The following DPYD variants were observed in gnomAD, a reference collection of about 807,000 sequenced individuals.
DPYD encodes dihydropyrimidine dehydrogenase [NADP(+)].
DPYD carries 109 observed loss-of-function variants against 116.2 expected under a neutral mutation model. The observed-to-expected ratio is 0.94, with a 90% CI of 0.80 to 1.10. The LOEUF (loss-of-function observed/expected upper bound fraction) is 1.10, where lower values mean the gene tolerates loss of function less well. Ranked by LOEUF, DPYD falls within the 50% of genes least tolerant of loss-of-function variation. The pLI is 0.00. For missense variants in DPYD, 1,302 were observed against 1,254.5 expected (o/e 1.04, Z -0.57); for synonymous variants, 440 against 432.0 (o/e 1.02, Z -0.23).
chr1:97,604,068 T>C (rs780145662), intron 8 of DPYD, among the ~76,000 whole-genome samples: 4 of 152,080 alleles, frequency 2.6e-5, no homozygotes, highest in Non-Finnish European at 5.9e-5. Context: ...GGCTTTAAAA[T>C]AAAGAACATG....
chr1:97,421,717 C>A (rs529487809), intron 14 of DPYD, among the ~76,000 whole-genome samples: 1 of 152,140 alleles, frequency 6.6e-6, no homozygotes, highest in African/African-American at 2.4e-5. Flanking sequence ...GATATTACTG[C>A]AACTCCTCAG....
intron 8 of DPYD, among the ~76,000 whole-genome samples, chr1:97,676,433 G>A (rs1187190267): frequency 6.6e-6 from 1 of 152,132 alleles, no homozygotes; most frequent in African/African-American, 2.4e-5. Flanking sequence ...TGTGAACATG[G>A]TAACTACCCA....
chr1:97,325,111 TG>T (rs916664174), intron 16 of DPYD, among the ~76,000 whole-genome samples: 1 of 152,056 alleles, frequency 6.6e-6, no homozygotes, highest in Non-Finnish European at 1.5e-5. Flanking sequence ...CTAAAACAGA[TG>T]GGTATTTACT....
chr1:97,713,299 A>C (rs1308507330), intron 5 of DPYD, among the ~76,000 whole-genome samples: 2 of 152,126 alleles, frequency 1.3e-5, no homozygotes, highest in African/African-American at 4.8e-5. Flanking sequence ...AAATAGTATA[A>C]ATTTACATTT....
Position 97,609,984 on chromosome 1 carries a change from T to C in DPYD, c.851-14818A>G, listed in dbSNP as rs141488299. Among the ~76,000 whole-genome samples the C allele has an allele frequency of 6.0e-3, 909 of 152,106 alleles. 21 individuals are homozygous for C. The highest frequency in any genetic ancestry group is 3.5e-3 in the Non-Finnish European group (241 of 67,942). On this transcript the variant is annotated intron_variant, in intron 8 of 22. Coordinates refer to ENST00000370192, the MANE Select transcript of DPYD (RefSeq NM_000110.4). Reference sequence around the variant, plus strand: ...TACTCATTTGTTTAAAGCACAGATCTACAATGACAAAAATCAATTCATTTT... The same window carrying C: ...TACTCATTTGTTTAAAGCACAGATCCACAATGACAAAAATCAATTCATTTT...
chr1:97,292,060 A>T (rs960499810), intron 18 of DPYD, among the ~76,000 whole-genome samples: 9 of 152,104 alleles, frequency 5.9e-5, no homozygotes, highest in African/African-American at 2.2e-4. Context: ...CTAAAGTTGC[A>T]TGTATCAGAA....
intron 11 of DPYD, among the ~76,000 whole-genome samples, chr1:97,562,837 G>GC (rs999772533): frequency 6.6e-5 from 10 of 151,926 alleles, no homozygotes; most frequent in African/African-American, 2.2e-4. Context: ...TCCTGCCTCA[G>GC]CCCCCCCGAG....
intron 12 of DPYD, among the ~76,000 whole-genome samples, chr1:97,520,013 T>G (rs893791727): frequency 2.6e-5 from 4 of 152,202 alleles, no homozygotes; most frequent in Non-Finnish European, 5.9e-5. Flanking sequence ...TAAAATGCAT[T>G]AACTTCCCCA....
intron 13 of DPYD, among the ~76,000 whole-genome samples, chr1:97,486,646 T>C (rs2101894046): frequency 6.6e-6 from 1 of 152,266 alleles, no homozygotes; most frequent in South Asian, 2.1e-4. Context: ...TATATCACTG[T>C]TAGTGCTATC....
intron 13 of DPYD, among the ~76,000 whole-genome samples, chr1:97,488,311 A>G (rs1678767026): frequency 6.6e-6 from 1 of 152,162 alleles, no homozygotes. Flanking sequence ...GTGTGACTAC[A>G]AAAGGTTATG....
At chr1:97,671,254 TCTA>T (rs1383568940) in intron 8 of DPYD, among the ~76,000 whole-genome samples, 1 of 152,118 alleles carries the variant, frequency 6.6e-6, no homozygotes, top group East Asian at 1.9e-4. Context: ...TGTAAAGACT[TCTA>T]CGAGTAGAAA....
chr1:97,341,605 A>T (rs1377017691), intron 16 of DPYD, among the ~76,000 whole-genome samples: 1 of 152,192 alleles, frequency 6.6e-6, no homozygotes, highest in Non-Finnish European at 1.5e-5. Flanking sequence ...AAAACTTTTT[A>T]GTTTTACCTT....
chr1:97,160,357 C>T (rs910243845), intron 20 of DPYD, among the ~76,000 whole-genome samples: 1 of 100,810 alleles, frequency 9.9e-6, no homozygotes, highest in Non-Finnish European at 2.0e-5. Flanking sequence ...CTAAGCTCTC[C>T]ATAATAGAAT....
At chr1:97,408,073 C>G (rs1190407524) in intron 14 of DPYD, among the ~76,000 whole-genome samples, 1 of 152,154 alleles carries the variant, frequency 6.6e-6, no homozygotes, top group Non-Finnish European at 1.5e-5. Flanking sequence ...GCATCTCTTA[C>G]TATTACCATG....
At chr1:97,461,766 A>T (rs1311899364) in intron 13 of DPYD, among the ~76,000 whole-genome samples, 5 of 152,242 alleles carry the variant, frequency 3.3e-5, no homozygotes, top group Non-Finnish European at 7.3e-5. Context: ...ACAAAACACC[A>T]TTAAAAAATG....
rs775111222 is a variant in DPYD at position 97,234,861 on chromosome 1, G to A, written c.2433C>T (p.Ser811=). Residue 811 remains serine, a synonymous_variant, in exon 19 of 23, where the codon TCC becomes TCT. Transcript: ENST00000370192. ...SGLQFLHSGA[S]VLQVCSAIQN... ...CAAACACAATGACTACCTGGAGGAC[G>A]GAAGCACCACTATGGAGAAACTGAA... is the stretch of plus-strand genomic sequence containing the variant. 25 of 1,613,708 alleles carry A rather than the reference G, an allele frequency of 1.5e-5. No individual in the cohort carries two copies. The East Asian group carries it at 1.8e-4, about 12-fold the overall frequency.
intron 21 of DPYD, among the ~76,000 whole-genome samples, chr1:97,096,542 C>G (rs1383722580): frequency 6.6e-6 from 1 of 152,068 alleles, no homozygotes; most frequent in Non-Finnish European, 1.5e-5. Context: ...ACTTTTCTTA[C>G]AAGAGGATTG....
intron 8 of DPYD, among the ~76,000 whole-genome samples, chr1:97,655,404 G>A (rs979092773): frequency 5.9e-5 from 9 of 152,128 alleles, no homozygotes; most frequent in East Asian, 1.9e-4. Flanking sequence ...CAAATAGAGC[G>A]AGACACATTT....
chr1:97,459,620 T>C (rs1025424978), intron 13 of DPYD, among the ~76,000 whole-genome samples: 4 of 152,096 alleles, frequency 2.6e-5, no homozygotes, highest in Non-Finnish European at 5.9e-5. Flanking sequence ...GAATATTTTA[T>C]ATGAATAAGA....
Sources: allele counts gnomAD v4.1 joint callset (sites outside exome capture counted in the v4.1 genomes callset), GRCh38; gene constraint gnomAD v4.1.1; transcripts MANE v1.5; gene names NCBI Gene and HGNC (gene_info 2026-07-23, HGNC 2026-07-21).